ADAMTS18: variants seen among roughly 807,000 people sequenced by gnomAD.
The protein encoded by ADAMTS18 is A disintegrin and metalloproteinase with thrombospondin motifs 18.
Under a neutral mutation model 165.9 loss-of-function variants are expected in ADAMTS18, and 157 were observed. The ratio of observed to expected loss-of-function variants is 0.95; its 90% CI spans 0.83 to 1.08. The LOEUF (loss-of-function observed/expected upper bound fraction) is 1.08, where lower values mean the gene tolerates loss of function less well. Among genes scored for constraint, ADAMTS18 ranks in the 50% least tolerant of loss-of-function variants. ADAMTS18 has a pLI of 0.00. For synonymous variants in ADAMTS18, 782 were observed against 578.2 expected (o/e 1.35, Z -5.06); for missense variants, 2,040 against 1,534.0 (o/e 1.33, Z -5.51).
At chr16:77,328,314 A>G (rs916280979) in intron 12 of ADAMTS18, among the ~76,000 whole-genome samples, 1 of 152,120 alleles carries the variant, frequency 6.6e-6, no homozygotes, top group Non-Finnish European at 1.5e-5. Flanking sequence ...CCAAAACTCA[A>G]CTATGGATCA....
At chr16:77,433,274 C>A (rs2057760364) in intron 2 of ADAMTS18, 1 of 152,188 alleles carries the variant, frequency 6.6e-6, no homozygotes, top group Non-Finnish European at 1.5e-5. Flanking sequence ...TCTGCCTGCT[C>A]TTACTTGGAA....
At chr16:77,296,391 G>T (rs1005950948) in intron 18 of ADAMTS18, among the ~76,000 whole-genome samples, 1 of 151,854 alleles carries the variant, frequency 6.6e-6, no homozygotes, top group Non-Finnish European at 1.5e-5. Flanking sequence ...TTGCATTTGG[G>T]GTTTCATGGC....
At chr16:77,295,168 T>C (rs2055445361) in intron 18 of ADAMTS18, 41 bp from the exon 19 acceptor site, 1 of 1,608,762 alleles carries the variant, frequency 6.2e-7, no homozygotes, top group Admixed American at 1.7e-5. Flanking sequence ...AGCCAAACTT[T>C]GTATGATAAC....
At chr16:77,317,108 T>C (rs920053002) in intron 16 of ADAMTS18, among the ~76,000 whole-genome samples, 1 of 151,726 alleles carries the variant, frequency 6.6e-6, no homozygotes, top group African/African-American at 2.4e-5. Flanking sequence ...AAAAAGTCTG[T>C]TTTTTTATCT....
chr16:77,323,057 G>T (rs2056031878), intron 13 of ADAMTS18, among the ~76,000 whole-genome samples: 1 of 152,084 alleles, frequency 6.6e-6, no homozygotes, highest in Non-Finnish European at 1.5e-5. Flanking sequence ...TCGTCCTGAA[G>T]GCTACAAAAA....
chr16:77,433,262 ACT>A (rs1422705105), intron 2 of ADAMTS18: 2 of 151,966 alleles, frequency 1.3e-5, no homozygotes, highest in Non-Finnish European at 2.9e-5. Flanking sequence ...ATCATCTGAA[ACT>A]CTGCCTGCTC....
chr16:77,314,763 TATATATATATATATATATATATAAAA>T (rs1217986251), intron 16 of ADAMTS18, among the ~76,000 whole-genome samples: 1 of 75,886 alleles, frequency 1.3e-5, no homozygotes, highest in African/African-American at 5.1e-5. Context: ...CATATATATA[TATATATATATATATATATATATAAAA>T]TATATGTGAT....
chr16:77,426,001 G>A lies in ADAMTS18; in HGVS notation c.495+5294C>T, dbSNP rs11644995. On this transcript the variant is annotated intron_variant, in intron 3 of 22. Coordinates refer to ENST00000282849, the MANE Select transcript of ADAMTS18 (RefSeq NM_199355.4). ...ACAGAGGTTGCAGTGGGCCGAGATC[G>A]CTGCACTCCAGCCTGGGCAACACAG... 2.9e-3 allele frequency among the ~76,000 whole-genome samples: 448 copies of A among 152,072 alleles called. 2 individuals are homozygous for A. Among genetic ancestry groups the A allele is most frequent in the Middle Eastern group, 6.8e-3 (2 of 294 alleles).
At chr16:77,339,746 C>T (rs2056370647) in intron 11 of ADAMTS18, among the ~76,000 whole-genome samples, 1 of 152,064 alleles carries the variant, frequency 6.6e-6, no homozygotes, top group Non-Finnish European at 1.5e-5. Flanking sequence ...TTTCTATTAA[C>T]ATTTTCAAGA....
Position 77,409,533 on chromosome 16 carries a change from A to G in ADAMTS18, c.495+21762T>C, listed in dbSNP as rs192999549. 4.8e-3 allele frequency among the ~76,000 whole-genome samples: 735 copies of G among 152,334 alleles called. 4 individuals are homozygous for G. Among genetic ancestry groups the G allele is most frequent in the South Asian group, 7.0e-3 (34 of 4,828 alleles). ...GCTCGCAGTAGCTGACTCAACAGCC[A>G]AGGCTGACAGATTTACAATGGAGAA... On this transcript the variant is annotated intron_variant, in intron 3 of 22. Transcript: ENST00000282849.
At chr16:77,337,992 C>G (rs2056337269) in intron 11 of ADAMTS18, among the ~76,000 whole-genome samples, 1 of 151,694 alleles carries the variant, frequency 6.6e-6, no homozygotes, top group Non-Finnish European at 1.5e-5. Flanking sequence ...CAACCTCCGC[C>G]TCCCAGGTTC....
chr16:77,321,183 T>A lies in ADAMTS18; in HGVS notation c.2183A>T (p.Glu728Val). 6.2e-7 allele frequency: 1 copy of A among 1,614,170 alleles called. No individual in the cohort carries two copies. The highest frequency in any genetic ancestry group is 2.2e-5 in the East Asian group (1 of 44,884). The change falls in exon 15 of 23, where the codon GAA becomes GTA. Residue 728 changes from glutamate to valine, a missense_variant. Coordinates refer to ENST00000282849, the MANE Select transcript of ADAMTS18 (RefSeq NM_199355.4). ...GVCELVGCDH[E>V]LGSKAVSDAC... ...ATCTGAAACTGCTTTAGAGCCTAGT[T>A]CATGATCACATCCCACTAGCTGTGA...
Position 77,431,491 on chromosome 16 carries a change from C to A in ADAMTS18, c.299G>T (p.Arg100Leu). 1 of 1,614,168 alleles carries A rather than the reference C, an allele frequency of 6.2e-7. No homozygotes were observed. Among genetic ancestry groups the A allele is most frequent in the Non-Finnish European group, 8.5e-7 (1 of 1,180,022 alleles). ...AQNARSSLHYRFSAFGQELHL... is the reference protein window; with the variant it reads ...AQNARSSLHYLFSAFGQELHL... ...CAGTTCCTGTCCAAATGCTGAAAAT[C>A]GGTAGTGCAGGGAGCTTCTGGCATT... is the stretch of plus-strand genomic sequence containing the variant. Residue 100 changes from arginine (R) to leucine (L), a missense_variant, in exon 3 of 23, where the codon CGA becomes CTA. Arg to Leu is a moderately radical substitution (Grantham distance 102). Transcript: ENST00000282849.
chr16:77,355,733 T>C (rs1490379868), intron 9 of ADAMTS18, among the ~76,000 whole-genome samples: 1 of 152,216 alleles, frequency 6.6e-6, no homozygotes, highest in Non-Finnish European at 1.5e-5. Flanking sequence ...GGAGGAAATA[T>C]GTGGAGAACA....
intron 3 of ADAMTS18, among the ~76,000 whole-genome samples, chr16:77,422,531 G>C (rs1481247629): frequency 7.3e-6 from 1 of 136,758 alleles, no homozygotes; most frequent in Non-Finnish European, 1.6e-5. Context: ...GGAGGGAAGA[G>C]AGGAGAGTGA....
chr16:77,344,088 A>C (rs2056438965), intron 10 of ADAMTS18, among the ~76,000 whole-genome samples: 2 of 150,340 alleles, frequency 1.3e-5, no homozygotes, highest in Admixed American at 1.3e-4. Flanking sequence ...GGGACTGAGA[A>C]AACATAGGGA....
intron 3 of ADAMTS18, among the ~76,000 whole-genome samples, chr16:77,369,930 A>G (rs1286635872): frequency 2.0e-5 from 3 of 152,252 alleles, no homozygotes; most frequent in Non-Finnish European, 4.4e-5. Flanking sequence ...ATAGTTTAAC[A>G]TACATTAATC....
intron 12 of ADAMTS18, among the ~76,000 whole-genome samples, chr16:77,326,416 A>G (rs541783932): frequency 4.5e-5 from 6 of 134,206 alleles, no homozygotes; most frequent in Non-Finnish European, 9.8e-5. Context: ...AGGGTCTCAC[A>G]CTGTTGCCCA....
intron 3 of ADAMTS18, among the ~76,000 whole-genome samples, chr16:77,382,147 C>T (rs2057040162): frequency 1.3e-5 from 2 of 152,142 alleles, no homozygotes; most frequent in South Asian, 4.1e-4. Flanking sequence ...TAAAAGATAC[C>T]ATATCTTCCC....
Sources: allele counts gnomAD v4.1 joint callset (sites outside exome capture counted in the v4.1 genomes callset), GRCh38; gene constraint gnomAD v4.1.1; transcripts MANE v1.5; gene names NCBI Gene and HGNC (gene_info 2026-07-23, HGNC 2026-07-21).